The following PCDH15 variants were observed in gnomAD, a reference collection of about 807,000 sequenced individuals.
The protein encoded by PCDH15 is protocadherin-15.
In PCDH15, 129 loss-of-function variants were observed where a neutral mutation model predicts 178.5. That is an observed-to-expected ratio of 0.72 (90% confidence interval 0.63 to 0.84). The LOEUF (loss-of-function observed/expected upper bound fraction) is 0.84. PCDH15 is among the 40% of genes least tolerant of loss of function. PCDH15 has a pLI of 0.00. For synonymous variants in PCDH15, 800 were observed against 732.0 expected, an observed-to-expected ratio of 1.09 and a Z score of -1.50; for missense variants, 2,230 against 2,099.9, an observed-to-expected ratio of 1.06 and a Z score of -1.21.
At chr10:55,378,289 A>G (rs1265003643) in intron 2 of PCDH15, among the ~76,000 whole-genome samples, 2 of 152,268 alleles carry the variant, frequency 1.3e-5, no homozygotes, top group East Asian at 1.9e-4. Flanking sequence ...AGAGGCTTAT[A>G]GAACATAGGT....
intron 2 of PCDH15, among the ~76,000 whole-genome samples, chr10:55,595,697 C>T (rs1376135421): frequency 1.3e-5 from 2 of 151,942 alleles, no homozygotes; most frequent in African/African-American, 4.8e-5. Flanking sequence ...AGAATTCATC[C>T]TGGCGTTAAG....
At chr10:54,109,456 AT>A (rs2094974854) in intron 15 of PCDH15, among the ~76,000 whole-genome samples, 1 of 152,238 alleles carries the variant, frequency 6.6e-6, no homozygotes, top group African/African-American at 2.4e-5. Context: ...GTCATGGTAA[AT>A]TGTGTATGCA....
intron 2 of PCDH15, among the ~76,000 whole-genome samples, chr10:55,588,514 G>C (rs2132128415): frequency 6.6e-6 from 1 of 152,268 alleles, no homozygotes; most frequent in East Asian, 1.9e-4. Context: ...GAGATGGTGT[G>C]TCTTAGTTCT....
intron 2 of PCDH15, among the ~76,000 whole-genome samples, chr10:54,901,082 G>C (rs377426567): frequency 6.7e-6 from 1 of 148,808 alleles, no homozygotes; most frequent in South Asian, 2.2e-4. Context: ...GGAAGGCCGA[G>C]GCAGGTGTAT....
rs144803197 is a variant in PCDH15 at position 55,293,410 on chromosome 10, A to T, written c.-156+26189T>A. 9.7e-3 allele frequency among the ~76,000 whole-genome samples: 1,480 copies of T among 152,278 alleles called. 24 individuals are homozygous for T. The highest frequency in any genetic ancestry group is 0.032 in the African/African-American group (1,350 of 41,558). Reference sequence around the variant, plus strand: ...CCCCATTTCTTGGGGATTAACATTCAACTCCGTCTTACTTATGCAAATTTC... The same window carrying T: ...CCCCATTTCTTGGGGATTAACATTCTACTCCGTCTTACTTATGCAAATTTC... On this transcript the variant is annotated intron_variant, in intron 1 of 5. Transcript: ENST00000458638.
chr10:55,495,421 G>A (rs1840510276), intron 2 of PCDH15, among the ~76,000 whole-genome samples: 1 of 151,516 alleles, frequency 6.6e-6, no homozygotes, highest in Non-Finnish European at 1.5e-5. Context: ...ATAATAAAAA[G>A]ACATATAATC....
chr10:55,382,334 TTAAA>T (rs1198459344), intron 2 of PCDH15, among the ~76,000 whole-genome samples: 5 of 152,108 alleles, frequency 3.3e-5, no homozygotes, highest in Admixed American at 6.6e-5. Flanking sequence ...TCAGCTAACT[TTAAA>T]TAAGAAAATT....
chr10:55,543,920 G>A (rs1841818921), intron 2 of PCDH15, among the ~76,000 whole-genome samples: 1 of 150,386 alleles, frequency 6.6e-6, no homozygotes, highest in Non-Finnish European at 1.5e-5. Flanking sequence ...TGAACTATTT[G>A]CATGTAAGGA....
intron 1 of PCDH15, among the ~76,000 whole-genome samples, chr10:55,307,136 T>C (rs540433028): frequency 3.9e-4 from 59 of 152,122 alleles, no homozygotes; most frequent in Non-Finnish European, 7.2e-4. Context: ...TATATTCTTA[T>C]TGGAAATATC....
At chr10:54,146,556 G>T (rs1382243495) in intron 14 of PCDH15, among the ~76,000 whole-genome samples, 1 of 151,544 alleles carries the variant, frequency 6.6e-6, no homozygotes, top group Non-Finnish European at 1.5e-5. Context: ...AAAGCTTTTG[G>T]TTTTTATTTC....
At chr10:55,168,330 A>G (rs1839247530) in intron 1 of PCDH15, among the ~76,000 whole-genome samples, 1 of 152,198 alleles carries the variant, frequency 6.6e-6, no homozygotes. Context: ...AACTCTTGAT[A>G]TAAATCATTT....
At chr10:54,226,431 G>A (rs971795581) in intron 9 of PCDH15, among the ~76,000 whole-genome samples, 9 of 152,116 alleles carry the variant, frequency 5.9e-5, no homozygotes, top group Non-Finnish European at 1.2e-4. Flanking sequence ...CAGGCATGGT[G>A]GCTCATGCCT....
rs950947768 is a variant in PCDH15, at chr10:53,804,978, A to G, written c.*1601T>C. The G allele has an allele frequency of 1.3e-5, 2 of 151,856 alleles. No individual in the cohort carries two copies. Among genetic ancestry groups the G allele is most frequent in the African/African-American group, 4.8e-5 (2 of 41,380 alleles). The allele number at this position is 151,856 out of a possible 1,614,324, so 9.4% of individuals were successfully genotyped here. ...TTTGGCAAGGGTATGGAATGCATTA[A>G]TTCTCAATAAAATAAGGTAGATGAG... On this transcript the variant is annotated 3_prime_UTR_variant, in exon 38 of 38. Transcript: ENST00000644397.
chr10:54,954,405 A>G (rs1490274215), intron 2 of PCDH15, among the ~76,000 whole-genome samples: 2 of 151,258 alleles, frequency 1.3e-5, no homozygotes, highest in African/African-American at 4.8e-5. Flanking sequence ...TCTATTGAAC[A>G]TATCTTAGCA....
intron 21 of PCDH15, among the ~76,000 whole-genome samples, chr10:53,966,268 C>T (rs1287555709): frequency 6.6e-6 from 1 of 152,056 alleles, no homozygotes; most frequent in African/African-American, 2.4e-5. Context: ...CTTTTATCAC[C>T]CTTGTTATCA....
At chr10:55,029,784 G>A (rs1840563318) in intron 2 of PCDH15, among the ~76,000 whole-genome samples, 1 of 152,064 alleles carries the variant, frequency 6.6e-6, no homozygotes, top group Non-Finnish European at 1.5e-5. Flanking sequence ...TGATGGGTAA[G>A]GGAATGTGGT....
intron 3 of PCDH15, among the ~76,000 whole-genome samples, chr10:54,440,748 A>G (rs1265921375): frequency 6.6e-6 from 1 of 151,948 alleles, no homozygotes; most frequent in Non-Finnish European, 1.5e-5. Context: ...CACAATACAA[A>G]TATTACACTT....
chr10:54,118,163 A>C (rs2095148851), intron 15 of PCDH15, among the ~76,000 whole-genome samples: 2 of 152,220 alleles, frequency 1.3e-5, no homozygotes, highest in East Asian at 3.9e-4. Context: ...TACAGTAACC[A>C]AAACAACATG....
chr10:55,529,707 ATG>A (rs1289942504), intron 2 of PCDH15, among the ~76,000 whole-genome samples: 1 of 139,240 alleles, frequency 7.2e-6, no homozygotes, highest in African/African-American at 2.6e-5. Flanking sequence ...AAATATATAT[ATG>A]TGTGTATATA....
Sources: allele counts gnomAD v4.1 joint callset (sites outside exome capture counted in the v4.1 genomes callset), GRCh38; gene constraint gnomAD v4.1.1; transcripts MANE v1.5; gene names NCBI Gene and HGNC (gene_info 2026-07-23, HGNC 2026-07-21).